The following ARHGAP27 variants were observed in gnomAD, a reference collection of about 807,000 sequenced individuals.
ARHGAP27 encodes the protein rho GTPase-activating protein 27.
A neutral mutation model predicts 102.0 loss-of-function variants in ARHGAP27; 53 were observed. That is an observed-to-expected ratio of 0.52 (90% CI 0.42 to 0.65). ARHGAP27 has a LOEUF of 0.65. Ranked by LOEUF, ARHGAP27 falls within the 30% of genes least tolerant of loss-of-function variation. ARHGAP27 has a pLI of 0.00. For synonymous variants in ARHGAP27, 525 were observed against 542.8 expected (o/e 0.97, Z 0.46); for missense variants, 1,117 against 1,256.2 (o/e 0.89, Z 1.68).
chr17:45,429,267 C>T, intron 4 of ARHGAP27: 1 of 628,318 alleles, frequency 1.6e-6, no homozygotes, highest in South Asian at 2.8e-5. Flanking sequence ...GGGCAGCAGC[C>T]GACCATCGAG....
At chr17:45,415,251 C>T (rs2048341924) in intron 4 of ARHGAP27, among the ~76,000 whole-genome samples, 1 of 152,102 alleles carries the variant, frequency 6.6e-6, no homozygotes, top group Admixed American at 6.5e-5. Context: ...TCTGGCCTGA[C>T]TTCTCTCCAG....
At chr17:45,405,255 C>G (rs1262281636) in intron 5 of ARHGAP27, 149 bp from the exon 6 acceptor site, 1 of 855,592 alleles carries the variant, frequency 1.2e-6, no homozygotes, top group African/African-American at 1.7e-5. Flanking sequence ...GAGGTAGCTC[C>G]GCACCTCACC....
In ARHGAP27 at chr17:45,429,907, G is replaced by A; in HGVS notation, c.373C>T (p.Gln125Ter). 1 of 1,150,768 alleles carries A rather than the reference G, an allele frequency of 8.7e-7. No individual in the cohort carries two copies. The highest frequency in any genetic ancestry group is 1.1e-6 in the Non-Finnish European group (1 of 938,150). 71.3% of individuals were successfully genotyped at this position (1,150,768 alleles called of 1,614,324 possible). ...GRASSLCGPAQRGAATQRSSL... is the reference protein window; with the variant it reads ...GRASSLCGPA Reference sequence around the variant, plus strand: ...CTGCGCTGGGTCGCGGCGCCGCGTTGCGCAGGGCCGCACAGGGAGCTGGCT... The same window carrying A: ...CTGCGCTGGGTCGCGGCGCCGCGTTACGCAGGGCCGCACAGGGAGCTGGCT... Residue 125 changes from glutamine to a stop codon, truncating the protein, a stop_gained, in exon 4 of 20, where the codon CAA becomes TAA. Transcript: ENST00000685559. LOFTEE classifies it high-confidence loss of function.
intron 4 of ARHGAP27, chr17:45,425,543 C>T: frequency 3.0e-6 from 3 of 983,832 alleles, no homozygotes; most frequent in Non-Finnish European, 3.6e-6. Context: ...ACCCCCTAGT[C>T]CCCCAGGGGC....
At chr17:45,404,367 C>A in intron 8 of ARHGAP27, 33 bp from the exon 9 acceptor site, 1 of 1,613,808 alleles carries the variant, frequency 6.2e-7, no homozygotes, top group South Asian at 1.1e-5. Flanking sequence ...CCCACCAAGT[C>A]CCTCCTCCCA....
rs763694605 is a variant in ARHGAP27, at chr17:45,395,681, G to C, written c.2493-48C>G. ...CAGGGCTCCGAACTGCGAACTGCGGGGAGGCGCTGGGGGCTTCAGCCGGGA... is the reference window on the plus strand; with the variant it reads ...CAGGGCTCCGAACTGCGAACTGCGGCGAGGCGCTGGGGGCTTCAGCCGGGA... On this transcript the variant is annotated intron_variant, in intron 19 of 19. Transcript: ENST00000685559. The C allele has an allele frequency of 4.5e-6, 7 of 1,571,070 alleles. No individual in the cohort carries two copies. In the Admixed American group the frequency reaches 1.3e-4, roughly 28 times the overall value.
At chr17:45,398,188 AC>A in intron 12 of ARHGAP27, 141 bp from the exon 13 acceptor site, 1 of 541,142 alleles carries the variant, frequency 1.8e-6, no homozygotes, top group Non-Finnish European at 3.2e-6. Context: ...CAAGGGCCTC[AC>A]CCCAGGCTAA....
intron 4 of ARHGAP27, among the ~76,000 whole-genome samples, chr17:45,416,128 C>G (rs2048425628): frequency 6.6e-6 from 1 of 151,628 alleles, no homozygotes; most frequent in Non-Finnish European, 1.5e-5. Flanking sequence ...TCACTGCAGG[C>G]TCCGCCTCCC....
intron 4 of ARHGAP27, among the ~76,000 whole-genome samples, chr17:45,419,600 A>C (rs914743066): frequency 1.3e-4 from 19 of 148,436 alleles, no homozygotes; most frequent in Non-Finnish European, 2.5e-4. Context: ...CATAAAATAA[A>C]TGAGTGATAC....
In ARHGAP27 at chr17:45,432,298, G is replaced by T. The variant is rs1302291310; in HGVS notation, c.-233C>A. On this transcript the variant is annotated 5_prime_UTR_variant, in exon 2 of 20. Coordinates refer to ENST00000685559, the MANE Select transcript of ARHGAP27 (RefSeq NM_001282290.2). ...AGCGCAGGGACGCCCACCGGAGCTC[G>T]ATGTCTCGGGCTGGATAAGAAGGGG... 6.4e-6 allele frequency: 1 copy of T among 155,520 alleles called. No homozygotes were observed. The highest frequency in any genetic ancestry group is 1.4e-5 in the Non-Finnish European group (1 of 69,346). 9.6% of individuals were successfully genotyped at this position (155,520 alleles called of 1,614,324 possible).
In ARHGAP27 at chr17:45,396,701, G is replaced by C. The variant is rs1444025022; in HGVS notation, c.2041C>G (p.Leu681Val). 1.2e-6 allele frequency: 2 copies of C among 1,613,766 alleles called. No homozygotes were observed. Among genetic ancestry groups the C allele is most frequent in the East Asian group, 4.5e-5 (2 of 44,886 alleles). ...LRKFLQRRPT[L>V]QSLREKGYIK... is the part of the protein sequence containing the mutation. ...TAGCCCTTCTCCCGCAGCGACTGCAGTGTGGGCCGCCTCTGGAGGAACTTG... is the reference window on the plus strand; with the variant it reads ...TAGCCCTTCTCCCGCAGCGACTGCACTGTGGGCCGCCTCTGGAGGAACTTG... The change falls in exon 15 of 20, where the codon CTG becomes GTG. Residue 681 changes from leucine to valine, a missense_variant. Leu to Val is a conservative substitution (Grantham distance 32). Coordinates refer to ENST00000685559, the MANE Select transcript of ARHGAP27 (RefSeq NM_001282290.2).
At position 45,418,206 on chromosome 17, in the gene ARHGAP27, A is replaced by G. The variant is rs573533217; in HGVS notation, c.657+11417T>C. 3.3e-4 allele frequency among the ~76,000 whole-genome samples: 49 copies of G among 150,526 alleles called. 2 individuals are homozygous for G. The East Asian group carries it at 4.3e-3, about 13-fold the overall frequency. On this transcript the variant is annotated intron_variant, in intron 4 of 19. Coordinates refer to ENST00000685559, the MANE Select transcript of ARHGAP27 (RefSeq NM_001282290.2). ...GCAGTCCTCCCGCTTCGGCCTCCCAAAGTGCTAAGATTATAGGTGTGAGCC... is the reference window on the plus strand; with the variant it reads ...GCAGTCCTCCCGCTTCGGCCTCCCAGAGTGCTAAGATTATAGGTGTGAGCC...
chr17:45,410,042 G>A, intron 4 of ARHGAP27: 1 of 667,732 alleles, frequency 1.5e-6, no homozygotes, highest in Non-Finnish European at 2.5e-6. Flanking sequence ...ACAAGCAGGT[G>A]GCAGCCCTGC....
intron 4 of ARHGAP27, among the ~76,000 whole-genome samples, chr17:45,418,805 G>A (rs1597845460): frequency 1.3e-5 from 2 of 152,152 alleles, no homozygotes; most frequent in East Asian, 1.9e-4. Context: ...AAGGCAGGGT[G>A]GCTTTTGTAC....
At chr17:45,410,826 G>A (rs2047830375) in intron 4 of ARHGAP27, among the ~76,000 whole-genome samples, 3 of 151,938 alleles carry the variant, frequency 2.0e-5, no homozygotes, top group African/African-American at 7.3e-5. Flanking sequence ...GAGGAAGCTT[G>A]TGGGGGGGAG....
chr17:45,411,346 C>T (rs371159247), intron 4 of ARHGAP27, among the ~76,000 whole-genome samples: 1 of 152,208 alleles, frequency 6.6e-6, no homozygotes. Flanking sequence ...GCCCACCAGC[C>T]CACCCCTGCT....
At chr17:45,398,127 A>G (rs2144226707) in intron 12 of ARHGAP27, 80 bp from the exon 13 acceptor site, 1 of 1,233,190 alleles carries the variant, frequency 8.1e-7, no homozygotes, top group Non-Finnish European at 1.1e-6. Context: ...GGGTAGGTAC[A>G]GAGATAGAGG....
At chr17:45,397,279 G>A in intron 13 of ARHGAP27, 1 of 1,369,664 alleles carries the variant, frequency 7.3e-7, no homozygotes, top group Non-Finnish European at 9.4e-7. Flanking sequence ...TTCCTATCCT[G>A]GGGACTCCTA....
At chr17:45,416,609 C>T (rs542256275) in intron 4 of ARHGAP27, among the ~76,000 whole-genome samples, 4 of 150,928 alleles carry the variant, frequency 2.7e-5, no homozygotes, top group African/African-American at 9.7e-5. Flanking sequence ...AGTACAGTGG[C>T]GCAATCTTGA....
Sources: allele counts gnomAD v4.1 joint callset (sites outside exome capture counted in the v4.1 genomes callset), GRCh38; gene constraint gnomAD v4.1.1; transcripts MANE v1.5; gene names NCBI Gene and HGNC (gene_info 2026-07-23, HGNC 2026-07-21).